Variants in CD151 observed in about 807,000 individuals in gnomAD.
CD151 encodes CD151 antigen.
CD151 carries 20 observed loss-of-function variants against 34.2 expected under a neutral mutation model. That is an observed-to-expected ratio of 0.58 (90% CI 0.41 to 0.85). CD151 has a LOEUF of 0.85. CD151 is among the 40% of genes least tolerant of loss of function. The probability of loss-of-function intolerance (pLI) is 0.00; values close to 1 mark genes in which losing one functional copy is unlikely to be tolerated. For synonymous variants in CD151, 157 were observed against 131.7 expected (o/e 1.19, Z -1.32); for missense variants, 306 against 324.5 (o/e 0.94, Z 0.44).
In CD151 at chr11:838,634, C is replaced by G. The variant is rs8672; in HGVS notation, c.*442C>G. 153,388 of 234,436 alleles carry G rather than the reference C, an allele frequency of 0.65. 51,709 individuals are homozygous for G. Among genetic ancestry groups the G allele is most frequent in the East Asian group, 0.88 (8,437 of 9,552 alleles). The allele number at this position is 234,436 out of a possible 1,614,324, so 14.5% of individuals were successfully genotyped here. ...GGCCTCTGCCCCTCCCAACCCAGCC[C>G]TCGTCTCCCTCGACAGCGCCCCTGC... On this transcript the variant is annotated 3_prime_UTR_variant, in exon 9 of 9. Transcript: ENST00000397420.
chr11:837,781 C>A (rs561404732), intron 7 of CD151, among the ~76,000 whole-genome samples, 161 bp from the exon 8 acceptor site: 1 of 152,168 alleles, frequency 6.6e-6, no homozygotes, highest in Non-Finnish European at 1.5e-5. Flanking sequence ...CCAATATCTA[C>A]GAGGAAGTGG....
intron 6 of CD151, 30 bp downstream of exon 6, chr11:837,384 C>T: frequency 6.2e-7 from 1 of 1,608,520 alleles, no homozygotes; most frequent in Non-Finnish European, 8.5e-7. Flanking sequence ...AGGGCGCGTG[C>T]ATCCCCAGGG....
At chr11:837,427 CAG>C in intron 6 of CD151, 31 bp from the exon 7 acceptor site, 1 of 1,611,860 alleles carries the variant, frequency 6.2e-7, no homozygotes, top group Non-Finnish European at 8.5e-7. Context: ...CCTCTGGCCC[CAG>C]GTCTCAACCC....
chr11:837,637 C>G lies in CD151; in HGVS notation c.615+19C>G, dbSNP rs769404021. 6.2e-7 allele frequency: 1 copy of G among 1,606,124 alleles called. No homozygotes were observed. The highest frequency in any genetic ancestry group is 8.5e-7 in the Non-Finnish European group (1 of 1,177,778). ...GGTGGAGGTGGGTGTGCAGCGGGATCATGCCTCCAGTGTCTACGAGGTGGT... is the reference window on the plus strand; with the variant it reads ...GGTGGAGGTGGGTGTGCAGCGGGATGATGCCTCCAGTGTCTACGAGGTGGT... On this transcript the variant is annotated intron_variant, in intron 7 of 8. Coordinates refer to ENST00000397420, the MANE Select transcript of CD151 (RefSeq NM_004357.5).
Position 838,398 on chromosome 11 carries a change from G to C in CD151, c.*206G>C. The C allele has an allele frequency of 1.7e-6, 1 of 591,788 alleles. No individual in the cohort carries two copies. Among genetic ancestry groups the C allele is most frequent in the East Asian group, 2.8e-5 (1 of 35,636 alleles). 36.7% of individuals were successfully genotyped at this position (591,788 alleles called of 1,614,324 possible). On this transcript the variant is annotated 3_prime_UTR_variant, in exon 9 of 9. Transcript: ENST00000397420. ...GGGGGCTGGCGGGGCGAAGTTTGGG[G>C]GGTGTTTTGTGGGGCTCCCCAGACA...
At chr11:836,907 A>C in intron 5 of CD151, 64 bp downstream of exon 5, 5 of 1,409,200 alleles carry the variant, frequency 3.5e-6, no homozygotes, top group Non-Finnish European at 5.0e-6. Flanking sequence ...ACACACACAC[A>C]TGCACACGCG....
Position 838,120 on chromosome 11 carries a change from G to C in CD151, c.703-13G>C. 2.5e-6 allele frequency: 4 copies of C among 1,612,646 alleles called. No homozygotes were observed. Among genetic ancestry groups the C allele is most frequent in the Non-Finnish European group, 3.4e-6 (4 of 1,179,462 alleles). ...CATGACGTCTGCTTACGCCCACCCGGCTCTGCACACAGGTCTTTGGCATGA... is the reference window on the plus strand; with the variant it reads ...CATGACGTCTGCTTACGCCCACCCGCCTCTGCACACAGGTCTTTGGCATGA... On this transcript the variant is annotated splice_polypyrimidine_tract_variant and intron_variant, in intron 8 of 8. Transcript: ENST00000397420.
chr11:836,120 G>A lies in CD151; in HGVS notation c.51G>A (p.Lys17=). The A allele has an allele frequency of 6.2e-7, 1 of 1,613,016 alleles. No homozygotes were observed. Among genetic ancestry groups the A allele is most frequent in the Non-Finnish European group, 8.5e-7 (1 of 1,179,916 alleles). ...CAACATGTGGCACCGTTTGCCTCAA[G>A]TACCTGCTGTTTACCTACAATTGCT... ...KKTTCGTVCL[K]YLLFTYNCCF... is the part of the protein sequence containing the mutation. Residue 17 remains lysine, a synonymous_variant, in exon 3 of 9, where the codon AAG becomes AAA. Coordinates refer to ENST00000397420, the MANE Select transcript of CD151 (RefSeq NM_004357.5).
In CD151 at chr11:833,389, C is replaced by A. The variant is rs1480527884; in HGVS notation, c.-70+363C>A. Among the ~76,000 whole-genome samples, 3 of 152,146 alleles carry A rather than the reference C, an allele frequency of 2.0e-5. No individual in the cohort carries two copies. In the East Asian group the frequency reaches 5.8e-4, roughly 29 times the overall value. On this transcript the variant is annotated intron_variant, in intron 1 of 8. Transcript: ENST00000397420. ...GCTCATTGTCCCTGGACACGGCAGT[C>A]TTCCCTCCGCCCGCAGCAGCCCCCG... is the stretch of plus-strand genomic sequence containing the variant.
Position 837,978 on chromosome 11 carries a change from G to A in CD151, c.652G>A (p.Glu218Lys). 1 of 1,613,326 alleles carries A rather than the reference G, an allele frequency of 6.2e-7. No individual in the cohort carries two copies. Among genetic ancestry groups the A allele is most frequent in the Non-Finnish European group, 8.5e-7 (1 of 1,179,866 alleles). Reference protein sequence around the residue: ...CITKLETFIQEHLRVIGAVGI... With the variant: ...CITKLETFIQKHLRVIGAVGI... The stretch of plus-strand genomic sequence containing the variant: ...CACCAAGTTGGAGACCTTCATCCAG[G>A]AGCACCTGAGGGTCATTGGGGCTGT... The change falls in exon 8 of 9, where the codon GAG becomes AAG. Residue 218 changes from glutamate (E) to lysine (K), a missense_variant. By Grantham distance (56) the Glu-to-Lys change is moderately conservative (BLOSUM62 1). Coordinates refer to ENST00000397420, the MANE Select transcript of CD151 (RefSeq NM_004357.5).
chr11:836,201 G>A (rs1554984774), intron 3 of CD151, 48 bp downstream of exon 3: 1 of 1,568,778 alleles, frequency 6.4e-7, no homozygotes, highest in East Asian at 2.2e-5. Flanking sequence ...CCCCTCCCGG[G>A]CCACCATCAG....
chr11:833,449 G>A (rs1846615012), intron 1 of CD151, among the ~76,000 whole-genome samples: 2 of 152,234 alleles, frequency 1.3e-5, no homozygotes, highest in South Asian at 2.1e-4. Context: ...TGGCCGCGCC[G>A]GGCGGGGTCG....
At chr11:837,682 T>A (rs1846828992) in intron 7 of CD151, 64 bp downstream of exon 7, 1 of 1,531,140 alleles carries the variant, frequency 6.5e-7, no homozygotes, top group African/African-American at 1.4e-5. Context: ...CCCCAGTGAC[T>A]GGCTGTGGGC....
At chr11:837,893 T>TGGGAGGTGCCCCCTGGGCCCGC (rs1308382963) in intron 7 of CD151, 49 bp from the exon 8 acceptor site, 9 of 1,419,422 alleles carry the variant, frequency 6.3e-6, no homozygotes, top group Non-Finnish European at 8.8e-6. Flanking sequence ...TAGGGGCCAG[T>TGGGAGGTGCCCCCTGGGCCCGC]GGGAGGTGCC....
At position 837,315 on chromosome 11, in the gene CD151, T is replaced by C. The variant is rs146721031; in HGVS notation, c.417T>C (p.His139=). 23 of 1,612,852 alleles carry C rather than the reference T, an allele frequency of 1.4e-5. No homozygotes were observed. The highest frequency in any genetic ancestry group is 1.7e-5 in the Non-Finnish European group (20 of 1,179,976). The change falls in exon 6 of 9, where the codon CAT becomes CAC. Residue 139 remains histidine (H), a synonymous_variant. Coordinates refer to ENST00000397420, the MANE Select transcript of CD151 (RefSeq NM_004357.5). ...CCAAGCGCTACCACCAGCCGGGCCA[T>C]GAGGCTGTGACCAGCGCTGTGGACC... The part of the protein sequence containing the change: ...TMTKRYHQPG[H]EAVTSAVDQL...
At position 836,384 on chromosome 11, in the gene CD151, T is replaced by C; in HGVS notation, c.218T>C (p.Val73Ala). Residue 73 changes from valine to alanine, a missense_variant, in exon 4 of 9, where the codon GTG becomes GCG. By Grantham distance (64) the Val-to-Ala change is moderately conservative. Coordinates refer to ENST00000397420, the MANE Select transcript of CD151 (RefSeq NM_004357.5). Reference protein sequence around the residue: ...ILVVAGTVVMVTGVLGCCATF... With the variant: ...ILVVAGTVVMATGVLGCCATF... ...GTGGTGGCGGGCACTGTCGTCATGG[T>C]GACTGGGGTCTTGGGCTGCTGCGCC... 4 of 1,612,424 alleles carry C rather than the reference T, an allele frequency of 2.5e-6. No individual in the cohort carries two copies. Among genetic ancestry groups the C allele is most frequent in the African/African-American group, 1.3e-5 (1 of 75,058 alleles).
chr11:836,486 G>T, intron 4 of CD151, 44 bp downstream of exon 4: 1 of 1,423,238 alleles, frequency 7.0e-7, no homozygotes. Flanking sequence ...GTGCAGATGG[G>T]CCCAAGGAGG....
At position 836,134 on chromosome 11, in the gene CD151, C is replaced by T. The variant is rs747271748; in HGVS notation, c.65C>T (p.Thr22Ile). Residue 22 changes from threonine to isoleucine, a missense_variant, in exon 3 of 9, where the codon ACC becomes ATC. Coordinates refer to ENST00000397420, the MANE Select transcript of CD151 (RefSeq NM_004357.5). Reference sequence around the variant, plus strand: ...GTTTGCCTCAAGTACCTGCTGTTTACCTACAATTGCTGCTTCTGGGTGAGG... The same window carrying T: ...GTTTGCCTCAAGTACCTGCTGTTTATCTACAATTGCTGCTTCTGGGTGAGG... ...GTVCLKYLLFTYNCCFWLAGL... is the reference protein window; with the variant it reads ...GTVCLKYLLFIYNCCFWLAGL... 3.7e-6 allele frequency: 6 copies of T among 1,612,500 alleles called. No individual in the cohort carries two copies. Among genetic ancestry groups the T allele is most frequent in the Non-Finnish European group, 5.1e-6 (6 of 1,179,622 alleles).
At chr11:837,200 C>A in intron 5 of CD151, 50 bp from the exon 6 acceptor site, 1 of 1,493,344 alleles carries the variant, frequency 6.7e-7, no homozygotes, top group Non-Finnish European at 9.3e-7. Flanking sequence ...GCCAGCCCCA[C>A]CTTGGAAGGT....
Sources: gnomAD v4.1 joint callset for allele counts (sites outside exome capture counted in the v4.1 genomes callset) on GRCh38, gnomAD v4.1.1 for gene constraint, MANE v1.5 for transcripts, NCBI Gene and HGNC (gene_info 2026-07-23, HGNC 2026-07-21) for gene names.